The following PLAC8 variants were observed in gnomAD, a reference collection of about 807,000 sequenced individuals.
PLAC8 encodes the protein placenta associated 8.
PLAC8 carries 6 observed loss-of-function variants against 12.6 expected under a neutral mutation model. The observed-to-expected ratio is 0.48, with a 90% confidence interval of 0.26 to 0.94. The LOEUF is 0.94. Ranked by LOEUF, PLAC8 falls within the 40% of genes least tolerant of loss-of-function variation. The probability of loss-of-function intolerance (pLI) is 0.14; values close to 1 mark genes in which losing one functional copy is unlikely to be tolerated. For missense variants in PLAC8, 122 were observed against 152.7 expected (o/e 0.80, Z 1.06); for synonymous variants, 54 against 52.6 (o/e 1.03, Z -0.11).
At chr4:83,093,627 A>T (rs1359223515) in intron 4 of PLAC8, 1 of 152,220 alleles carries the variant, frequency 6.6e-6, no homozygotes, top group African/African-American at 2.4e-5. Flanking sequence ...TCACCTATAC[A>T]TCTTACAAGA....
chr4:83,097,873 T>C (rs1275490091), intron 3 of PLAC8, among the ~76,000 whole-genome samples: 1 of 151,026 alleles, frequency 6.6e-6, no homozygotes, highest in Admixed American at 6.6e-5. Flanking sequence ...TTTTTTTTTT[T>C]TTTTGAGATG....
chr4:83,093,065 G>A (rs1731845609), intron 4 of PLAC8: 1 of 151,944 alleles, frequency 6.6e-6, no homozygotes, highest in African/African-American at 2.4e-5. Flanking sequence ...CCAAAGTGCT[G>A]GGATCACAGG....
chr4:83,112,218 GTATA>G (rs1211747154), intron 1 of PLAC8, among the ~76,000 whole-genome samples: 12 of 9,204 alleles, frequency 1.3e-3, no homozygotes, highest in Admixed American at 3.9e-3. Flanking sequence ...ATATATATAT[GTATA>G]TATATATATA....
chr4:83,106,682 A>G lies in PLAC8; in HGVS notation c.118+1122T>C, dbSNP rs184837416. Among the ~76,000 whole-genome samples the G allele has an allele frequency of 8.2e-4, 125 of 152,332 alleles. 1 individual carries two copies. Among genetic ancestry groups the G allele is most frequent in the African/African-American group, 2.9e-3 (121 of 41,586 alleles). The stretch of plus-strand genomic sequence containing the variant: ...TCATTCAAAGTCATTTTCAACTTTA[A>G]AGGATAATGTATTTTATTTTCTTGC... On this transcript the variant is annotated intron_variant, in intron 2 of 4. Coordinates refer to ENST00000311507, the MANE Select transcript of PLAC8 (RefSeq NM_016619.3).
At chr4:83,101,450 T>C (rs955135816) in intron 3 of PLAC8, among the ~76,000 whole-genome samples, 1 of 152,120 alleles carries the variant, frequency 6.6e-6, no homozygotes, top group Non-Finnish European at 1.5e-5. Context: ...AAGAGGTTGC[T>C]TCATGAGGTT....
At chr4:83,105,666 A>G (rs1158752192) in intron 2 of PLAC8, among the ~76,000 whole-genome samples, 1 of 152,214 alleles carries the variant, frequency 6.6e-6, no homozygotes, top group African/African-American at 2.4e-5. Context: ...AGTTATGAGG[A>G]ACCACTGAAA....
At chr4:83,110,000 C>T (rs886203515) in intron 1 of PLAC8, among the ~76,000 whole-genome samples, 15 of 152,092 alleles carry the variant, frequency 9.9e-5, no homozygotes, top group Non-Finnish European at 1.8e-4. Flanking sequence ...GCCGGGGCGG[C>T]GCGCCGCTGG....
chr4:83,102,698 A>G (rs1560454723), intron 3 of PLAC8, among the ~76,000 whole-genome samples: 1 of 152,242 alleles, frequency 6.6e-6, no homozygotes, highest in Non-Finnish European at 1.5e-5. Flanking sequence ...AAATAGCAAG[A>G]GAACTAGAAT....
intron 2 of PLAC8, among the ~76,000 whole-genome samples, chr4:83,106,303 T>C (rs1218578599): frequency 1.3e-5 from 2 of 151,852 alleles, no homozygotes; most frequent in African/African-American, 4.8e-5. Flanking sequence ...CCAGCCTGAT[T>C]GTAATTCTTA....
chr4:83,107,619 GCTT>G (rs1683662586), intron 2 of PLAC8, among the ~76,000 whole-genome samples, 182 bp downstream of exon 2: 1 of 11,832 alleles, frequency 8.5e-5, no homozygotes, highest in African/African-American at 1.3e-4. Context: ...CCATACGGAG[GCTT>G]TTTTTTTTTT....
intron 3 of PLAC8, among the ~76,000 whole-genome samples, chr4:83,097,056 G>C (rs1434665878): frequency 6.6e-6 from 1 of 152,208 alleles, no homozygotes; most frequent in Non-Finnish European, 1.5e-5. Flanking sequence ...TAACTTTGGA[G>C]ATCTGTCTTG....
At chr4:83,110,081 G>T (rs995837977) in intron 1 of PLAC8, among the ~76,000 whole-genome samples, 4 of 152,052 alleles carry the variant, frequency 2.6e-5, no homozygotes, top group East Asian at 3.9e-4. Context: ...GCCAGGAGCC[G>T]CAAAGCTGGG....
chr4:83,110,910 G>C (rs2126144433), intron 1 of PLAC8, among the ~76,000 whole-genome samples: 1 of 152,298 alleles, frequency 6.6e-6, no homozygotes. Context: ...AAATATGAAA[G>C]GCTAATTATC....
At chr4:83,093,856 A>G (rs1731864091) in intron 4 of PLAC8, 1 of 152,204 alleles carries the variant, frequency 6.6e-6, no homozygotes, top group Non-Finnish European at 1.5e-5. Context: ...TTAGTTGCTA[A>G]GATAATATAT....
intron 3 of PLAC8, among the ~76,000 whole-genome samples, chr4:83,104,052 T>C (rs1732177714): frequency 6.6e-6 from 1 of 152,192 alleles, no homozygotes; most frequent in Admixed American, 6.5e-5. Flanking sequence ...CCACCAACAC[T>C]GAGGCAAGAC....
intron 3 of PLAC8, among the ~76,000 whole-genome samples, chr4:83,103,735 A>G (rs769188083): frequency 2.0e-5 from 3 of 152,040 alleles, no homozygotes; most frequent in Non-Finnish European, 2.9e-5. Context: ...CTGAGGCGCA[A>G]TCTGGGCTCA....
chr4:83,091,428 G>T (rs1192250900), intron 4 of PLAC8, among the ~76,000 whole-genome samples: 2 of 152,138 alleles, frequency 1.3e-5, no homozygotes, highest in Non-Finnish European at 2.9e-5. Flanking sequence ...TTTTCTCATG[G>T]TTAGACTGGA....
chr4:83,097,457 T>A (rs1402109498), intron 3 of PLAC8, among the ~76,000 whole-genome samples: 1 of 152,216 alleles, frequency 6.6e-6, no homozygotes, highest in East Asian at 1.9e-4. Context: ...ACATTTGCCC[T>A]AAATTAAGGT....
chr4:83,109,024 C>T (rs879332986), intron 1 of PLAC8, among the ~76,000 whole-genome samples: 1 of 152,152 alleles, frequency 6.6e-6, no homozygotes, highest in African/African-American at 2.4e-5. Flanking sequence ...GGTAAGGTTA[C>T]TCCTCATTTC....
Sources: allele counts gnomAD v4.1 joint callset (sites outside exome capture counted in the v4.1 genomes callset), GRCh38; gene constraint gnomAD v4.1.1; transcripts MANE v1.5; gene names NCBI Gene and HGNC (gene_info 2026-07-23, HGNC 2026-07-21).